Variants in SMG6 observed in about 807,000 individuals in gnomAD.
SMG6 encodes telomerase-binding protein EST1A.
SMG6 carries 66 observed loss-of-function variants against 142.2 expected under a neutral mutation model. The ratio of observed to expected loss-of-function variants is 0.46; its 90% confidence interval spans 0.38 to 0.57. The LOEUF (loss-of-function observed/expected upper bound fraction) is 0.57. SMG6 is among the 20% of genes least tolerant of loss of function. SMG6 has a pLI of 0.00. For synonymous variants in SMG6, 779 were observed against 702.4 expected (o/e 1.11, Z -1.72); for missense variants, 1,793 against 1,832.0 (o/e 0.98, Z 0.39).
intron 12 of SMG6, among the ~76,000 whole-genome samples, chr17:2,185,850 C>G (rs559196380): frequency 7.2e-5 from 11 of 152,184 alleles, no homozygotes; most frequent in African/African-American, 2.6e-4. Flanking sequence ...GAGAGATGTG[C>G]ATGCATTCAG....
chr17:2,149,564 G>A (rs566121027), intron 13 of SMG6, among the ~76,000 whole-genome samples: 16 of 152,160 alleles, frequency 1.1e-4, no homozygotes, highest in South Asian at 2.1e-4. Flanking sequence ...ACCAGTGAAC[G>A]AAGGGCTGTC....
intron 8 of SMG6, among the ~76,000 whole-genome samples, chr17:2,277,100 G>A (rs577786055): frequency 1.7e-4 from 26 of 150,382 alleles, no homozygotes; most frequent in Admixed American, 5.3e-4. Flanking sequence ...TCTTTTTCAA[G>A]GTAAAGTGCT....
chr17:2,284,022 T>C (rs760826053), intron 6 of SMG6, among the ~76,000 whole-genome samples: 6 of 152,084 alleles, frequency 3.9e-5, no homozygotes, highest in South Asian at 2.1e-4. Flanking sequence ...AGAAATTACA[T>C]CTTGTTCTTA....
rs191399885 is a variant in SMG6 at position 2,296,949 on chromosome 17, C to A, written c.2151+294G>T. On this transcript the variant is annotated intron_variant, in intron 4 of 18. Transcript: ENST00000263073. ...GGCAGAGGTTGAAGGTTACAGTGAGCCAAGATCAAACCACTGCACTCCAGC... is the reference window on the plus strand; with the variant it reads ...GGCAGAGGTTGAAGGTTACAGTGAGACAAGATCAAACCACTGCACTCCAGC... 1.1e-4 allele frequency among the ~76,000 whole-genome samples: 16 copies of A among 150,362 alleles called. 1 individual carries two copies. The South Asian group carries it at 2.9e-3, about 28-fold the overall frequency.
chr17:2,303,716 G>A lies in SMG6; in HGVS notation c.5C>T (p.Ala2Val). The change falls in exon 1 of 19, where the codon GCG becomes GTG. Residue 2 changes from alanine (A) to valine (V), a missense_variant. Ala to Val is a moderately conservative substitution (Grantham distance 64). Coordinates refer to ENST00000263073, the MANE Select transcript of SMG6 (RefSeq NM_017575.5). Reference protein sequence around the residue: MAEGLERVRISA... With the variant: MVEGLERVRISA... ...GATCCGCACACGCTCCAGCCCTTCC[G>A]CCATCTTCGCGGCTGCTGCTACAGC... 1 of 1,491,998 alleles carries A rather than the reference G, an allele frequency of 6.7e-7. No homozygotes were observed. The highest frequency in any genetic ancestry group is 1.3e-5 in the South Asian group (1 of 79,554). The allele number at this position is 1,491,998 out of a possible 1,614,324, so 92.4% of individuals were successfully genotyped here.
chr17:2,160,184 G>A (rs1483105965), intron 13 of SMG6, among the ~76,000 whole-genome samples: 1 of 152,072 alleles, frequency 6.6e-6, no homozygotes, highest in Non-Finnish European at 1.5e-5. Context: ...ATATTAGTAA[G>A]TTGATTAATG....
chr17:2,234,997 G>A (rs1317842337), intron 10 of SMG6, among the ~76,000 whole-genome samples: 2 of 152,190 alleles, frequency 1.3e-5, no homozygotes, highest in African/African-American at 4.8e-5. Flanking sequence ...GAACTCTGTG[G>A]GTTGTTTTTA....
intron 13 of SMG6, among the ~76,000 whole-genome samples, chr17:2,120,952 C>T (rs1209740512): frequency 6.6e-6 from 1 of 152,032 alleles, no homozygotes; most frequent in Non-Finnish European, 1.5e-5. Context: ...TATAATAGCA[C>T]CAACTATAGA....
intron 10 of SMG6, among the ~76,000 whole-genome samples, chr17:2,226,768 A>G (rs1166628629): frequency 6.6e-6 from 1 of 151,400 alleles, no homozygotes; most frequent in African/African-American, 2.4e-5. Context: ...GGTGGTGAGT[A>G]CCTATAGTCC....
chr17:2,234,331 G>C (rs1233038457), intron 10 of SMG6, among the ~76,000 whole-genome samples: 1 of 150,802 alleles, frequency 6.6e-6, no homozygotes, highest in Non-Finnish European at 1.5e-5. Flanking sequence ...TTGCAATCTC[G>C]GCTCACTGCA....
intron 4 of SMG6, among the ~76,000 whole-genome samples, chr17:2,294,470 C>T (rs1203460604): frequency 1.3e-5 from 2 of 152,180 alleles, no homozygotes; most frequent in African/African-American, 4.8e-5. Context: ...ACCATATTCC[C>T]GGTCACTTTC....
At chr17:2,232,365 G>A (rs1400729735) in intron 10 of SMG6, among the ~76,000 whole-genome samples, 5 of 152,106 alleles carry the variant, frequency 3.3e-5, no homozygotes, top group African/African-American at 4.8e-5. Flanking sequence ...GCCCTTCCTC[G>A]CTTCAGGCTC....
At chr17:2,081,721 C>A in intron 15 of SMG6, 89 bp downstream of exon 15, 1 of 1,471,826 alleles carries the variant, frequency 6.8e-7, no homozygotes. Context: ...CTCTTAGTGT[C>A]CTGCTCAGCT....
In SMG6 at chr17:2,204,838, C is replaced by T. The variant is rs544947533; in HGVS notation, c.2870-16323G>A. On this transcript the variant is annotated intron_variant, in intron 10 of 18. Coordinates refer to ENST00000263073, the MANE Select transcript of SMG6 (RefSeq NM_017575.5). Reference sequence around the variant, plus strand: ...ATGAGCCAGACGTAGTGGCACGTGCCTATAACCCCAGCTAATCAGGAGGCT... The same window carrying T: ...ATGAGCCAGACGTAGTGGCACGTGCTTATAACCCCAGCTAATCAGGAGGCT... 7.9e-4 allele frequency among the ~76,000 whole-genome samples: 121 copies of T among 152,202 alleles called. 1 individual carries two copies. Among genetic ancestry groups the T allele is most frequent in the African/African-American group, 2.8e-3 (118 of 41,506 alleles).
intron 13 of SMG6, among the ~76,000 whole-genome samples, chr17:2,121,756 AC>A: frequency 6.6e-6 from 1 of 152,132 alleles, no homozygotes; most frequent in South Asian, 2.1e-4. Flanking sequence ...AGCTGGGTCA[AC>A]AGGTGCTAGC....
intron 13 of SMG6, among the ~76,000 whole-genome samples, chr17:2,090,031 A>G (rs2068670531): frequency 6.6e-6 from 1 of 151,888 alleles, no homozygotes; most frequent in African/African-American, 2.4e-5. Context: ...TAAAAATACA[A>G]AAATCAGCCG....
At chr17:2,252,246 C>T (rs1173103360) in intron 8 of SMG6, among the ~76,000 whole-genome samples, 3 of 152,060 alleles carry the variant, frequency 2.0e-5, no homozygotes, top group Non-Finnish European at 4.4e-5. Context: ...CCCGTCTCTA[C>T]TAAAAATACA....
At chr17:2,256,893 T>C (rs1468875208) in intron 8 of SMG6, among the ~76,000 whole-genome samples, 3 of 151,868 alleles carry the variant, frequency 2.0e-5, no homozygotes, top group African/African-American at 4.8e-5. Flanking sequence ...CACATCACTA[T>C]CTGTGAGAAT....
chr17:2,108,510 A>AG, intron 13 of SMG6, among the ~76,000 whole-genome samples: 1 of 152,208 alleles, frequency 6.6e-6, no homozygotes, highest in Admixed American at 6.5e-5. Flanking sequence ...GCACACCTGC[A>AG]GTCCCAGCTA....
Sources: gnomAD v4.1 joint callset for allele counts (sites outside exome capture counted in the v4.1 genomes callset) on GRCh38, gnomAD v4.1.1 for gene constraint, MANE v1.5 for transcripts, NCBI Gene and HGNC (gene_info 2026-07-23, HGNC 2026-07-21) for gene names.